Variants in LATS1 observed in about 807,000 individuals in gnomAD.
LATS1 encodes serine/threonine-protein kinase LATS1.
LATS1 carries 25 observed loss-of-function variants against 106.6 expected under a neutral mutation model. The ratio of observed to expected loss-of-function variants is 0.23; its 90% CI spans 0.17 to 0.33. The LOEUF (loss-of-function observed/expected upper bound fraction) is 0.33, where lower values mean the gene tolerates loss of function less well. Ranked by LOEUF, LATS1 falls within the 10% of genes least tolerant of loss-of-function variation. LATS1 has a pLI of 1.00. For missense variants in LATS1, 1,040 were observed against 1,382.6 expected, an observed-to-expected ratio of 0.75 and a Z score of 3.93; for synonymous variants, 465 against 455.6, an observed-to-expected ratio of 1.02 and a Z score of -0.26.
At position 149,683,229 on chromosome 6, in the gene LATS1, G is replaced by C; in HGVS notation, c.1860C>G (p.Asn620Lys). The change falls in exon 4 of 8, where the codon AAC becomes AAG. Residue 620 changes from asparagine to lysine, a missense_variant. Around this residue, in one of 7 missense-constraint regions of LATS1, gnomAD observed 167 missense variants for 332.1 expected, o/e 0.50. Transcript: ENST00000543571. ...ITTSPITVRK[N>K]KKDEERRESR... Reference sequence around the variant, plus strand: ...ATTCCCTTCGCTCTTCATCTTTCTTGTTTTTCCTAACAGTAATAGGTGAAG... The same window carrying C: ...ATTCCCTTCGCTCTTCATCTTTCTTCTTTTTCCTAACAGTAATAGGTGAAG... 1 of 1,613,852 alleles carries C rather than the reference G, an allele frequency of 6.2e-7. No homozygotes were observed. The highest frequency in any genetic ancestry group is 1.1e-5 in the South Asian group (1 of 91,036).
intron 7 of LATS1, among the ~76,000 whole-genome samples, chr6:149,670,117 A>G (rs1781361448): frequency 7.1e-6 from 1 of 141,076 alleles, no homozygotes; most frequent in African/African-American, 2.6e-5. Flanking sequence ...GGTTGCAGTG[A>G]GATGAGGTTG....
intron 1 of LATS1, among the ~76,000 whole-genome samples, chr6:149,703,435 G>A (rs1050392952): frequency 3.3e-5 from 5 of 152,166 alleles, no homozygotes; most frequent in Non-Finnish European, 4.4e-5. Context: ...ACTCTTGAAG[G>A]TGGGGTCTGG....
chr6:149,692,552 C>T (rs896118475), intron 3 of LATS1, among the ~76,000 whole-genome samples: 1 of 152,108 alleles, frequency 6.6e-6, no homozygotes, highest in Non-Finnish European at 1.5e-5. Context: ...CTAAGCTCCA[C>T]AAAAGGGCAA....
At position 149,684,606 on chromosome 6, in the gene LATS1, A is replaced by G; in HGVS notation, c.497-14T>C. Reference sequence around the variant, plus strand: ...GCTGCACATTCCCTATGGTTATAAGAGAGATAAAGAGAAAAAAGAATCATG... The same window carrying G: ...GCTGCACATTCCCTATGGTTATAAGGGAGATAAAGAGAAAAAAGAATCATG... On this transcript the variant is annotated splice_polypyrimidine_tract_variant and intron_variant, in intron 3 of 7. Coordinates refer to ENST00000543571, the MANE Select transcript of LATS1 (RefSeq NM_004690.4). 1 of 1,502,236 alleles carries G rather than the reference A, an allele frequency of 6.7e-7. No homozygotes were observed. The highest frequency in any genetic ancestry group is 8.9e-7 in the Non-Finnish European group (1 of 1,121,802). 93.1% of individuals were successfully genotyped at this position (1,502,236 alleles called of 1,614,324 possible).
Position 149,658,417 on chromosome 6 carries a change from G to A in LATS1, c.*3312C>T, listed in dbSNP as rs1028799682. 2.0e-5 allele frequency: 3 copies of A among 152,108 alleles called. No individual in the cohort carries two copies. The highest frequency in any genetic ancestry group is 4.4e-5 in the Non-Finnish European group (3 of 68,020). 9.4% of individuals were successfully genotyped at this position (152,108 alleles called of 1,614,324 possible). ...ATACAATATAAAAGTAAACTGTGTAGTGCCTTCCACAAAGGGATATATTAA... is the reference window on the plus strand; with the variant it reads ...ATACAATATAAAAGTAAACTGTGTAATGCCTTCCACAAAGGGATATATTAA... On this transcript the variant is annotated 3_prime_UTR_variant, in exon 8 of 8. Coordinates refer to ENST00000543571, the MANE Select transcript of LATS1 (RefSeq NM_004690.4).
intron 7 of LATS1, among the ~76,000 whole-genome samples, chr6:149,662,524 A>G (rs1303352502): frequency 6.6e-6 from 1 of 152,096 alleles, no homozygotes; most frequent in Non-Finnish European, 1.5e-5. Flanking sequence ...TATTTCTATC[A>G]TATTTCTAAT....
rs144340361 is a variant in LATS1, at chr6:149,666,940, T to C, written c.2884-4702A>G. Among the ~76,000 whole-genome samples, 295 of 128,038 alleles carry C rather than the reference T, an allele frequency of 2.3e-3. 3 individuals are homozygous for C. The East Asian group carries it at 0.025, about 11-fold the overall frequency. 84.0% of individuals were successfully genotyped at this position (128,038 alleles called of 152,430 possible). A position where few individuals can be genotyped will look rare whatever the true frequency, so the allele number is the denominator to read the frequency against. On this transcript the variant is annotated intron_variant, in intron 7 of 7. Coordinates refer to ENST00000543571, the MANE Select transcript of LATS1 (RefSeq NM_004690.4). ...GCCTGGGCAACAGAGTGAGACTCTGTCTCAAAAAAAAAAAAAAAAATGCTC... is the reference window on the plus strand; with the variant it reads ...GCCTGGGCAACAGAGTGAGACTCTGCCTCAAAAAAAAAAAAAAAAATGCTC...
intron 1 of LATS1, among the ~76,000 whole-genome samples, chr6:149,711,569 C>G (rs1195412777): frequency 6.6e-6 from 1 of 151,688 alleles, no homozygotes; most frequent in African/African-American, 2.4e-5. Context: ...ATTTTTTTTT[C>G]TTAAATCATC....
intron 1 of LATS1, among the ~76,000 whole-genome samples, chr6:149,706,059 T>C (rs143630646): frequency 0.012 from 1,769 of 151,290 alleles, 37 homozygotes; most frequent in African/African-American, 0.041. Context: ...GGCACATGCC[T>C]GTAATCTCAG....
chr6:149,664,815 G>A lies in LATS1; in HGVS notation c.2884-2577C>T, dbSNP rs536707138. ...AGCAATCCTCCCACCTCAGCCTCCC[G>A]AGTAACTGGGACTACAGGCCTCTGC... On this transcript the variant is annotated intron_variant, in intron 7 of 7. Coordinates refer to ENST00000543571, the MANE Select transcript of LATS1 (RefSeq NM_004690.4). 1.8e-4 allele frequency among the ~76,000 whole-genome samples: 27 copies of A among 152,144 alleles called. No homozygotes were observed. The East Asian group carries it at 4.8e-3, about 27-fold the overall frequency.
At chr6:149,678,946 ATAG>A (rs1458067706) in intron 5 of LATS1, among the ~76,000 whole-genome samples, 3 of 152,338 alleles carry the variant, frequency 2.0e-5, no homozygotes, top group African/African-American at 7.2e-5. Flanking sequence ...GAAATCCTAA[ATAG>A]TAGTGAAAAT....
chr6:149,684,766 T>A (rs1424985545), intron 3 of LATS1, among the ~76,000 whole-genome samples, 174 bp from the exon 4 acceptor site: 2 of 152,116 alleles, frequency 1.3e-5, no homozygotes, highest in Non-Finnish European at 2.9e-5. Flanking sequence ...CTGTAGTTAA[T>A]AACAACGTAT....
intron 6 of LATS1, 37 bp from the exon 7 acceptor site, chr6:149,676,403 T>C (rs1781725834): frequency 6.9e-7 from 1 of 1,453,816 alleles, no homozygotes; most frequent in African/African-American, 1.4e-5. Context: ...ACTTTAAAAA[T>C]GCTCAGAATA....
At position 149,684,361 on chromosome 6, in the gene LATS1, C is replaced by T. The variant is rs1782239777; in HGVS notation, c.728G>A (p.Arg243Lys). 3 of 1,613,782 alleles carry T rather than the reference C, an allele frequency of 1.9e-6. No homozygotes were observed. Among genetic ancestry groups the T allele is most frequent in the African/African-American group, 1.3e-5 (1 of 74,852 alleles). ...RVNPPPPPQV[R>K]SVTPPPPPRG... ...TGGAGGTGGTGGAGGAGTAACACTC[C>T]TTACTTGAGGTGGTGGTGGGGGGTT... Residue 243 changes from arginine to lysine, a missense_variant, in exon 4 of 8, where the codon AGG becomes AAG. Transcript: ENST00000543571.
chr6:149,676,207 C>A (rs73606794), intron 7 of LATS1, 53 bp downstream of exon 7: 31,782 of 1,237,416 alleles, frequency 0.026, 2,020 homozygotes, highest in African/African-American at 0.21. Flanking sequence ...AAATAAAAGT[C>A]AATGATGTAG....
intron 3 of LATS1, 64 bp from the exon 4 acceptor site, chr6:149,684,656 C>T: frequency 8.6e-7 from 1 of 1,169,002 alleles, no homozygotes; most frequent in Non-Finnish European, 1.2e-6. Context: ...TTTTTGAAAA[C>T]CTTAGCTTGC....
At chr6:149,677,341 C>G (rs1293466626) in intron 5 of LATS1, among the ~76,000 whole-genome samples, 2 of 152,138 alleles carry the variant, frequency 1.3e-5, no homozygotes, top group African/African-American at 4.8e-5. Context: ...GTATTCCACA[C>G]AGAAATAACA....
At chr6:149,685,340 A>C (rs923600974) in intron 3 of LATS1, among the ~76,000 whole-genome samples, 23 of 152,086 alleles carry the variant, frequency 1.5e-4, no homozygotes, top group African/African-American at 5.1e-4. Flanking sequence ...CAAAGGGCGT[A>C]TCTATTTGTA....
intron 2 of LATS1, among the ~76,000 whole-genome samples, chr6:149,699,828 T>C (rs987447039): frequency 1.3e-5 from 2 of 152,336 alleles, no homozygotes; most frequent in Non-Finnish European, 2.9e-5. Flanking sequence ...ACTCCATAAA[T>C]ACATATTACT....
Sources: gnomAD v4.1 joint callset for allele counts (sites outside exome capture counted in the v4.1 genomes callset) on GRCh38, gnomAD v4.1.1 for gene constraint, gnomAD v4.1.1 regional missense constraint, MANE v1.5 for transcripts, NCBI Gene and HGNC (gene_info 2026-07-23, HGNC 2026-07-21) for gene names.